Variants in SF3A3 observed in about 807,000 individuals in gnomAD.
SF3A3 encodes SAP 61.
SF3A3 carries 9 observed loss-of-function variants against 85.8 expected under a neutral mutation model. That is an observed-to-expected ratio of 0.10 (90% CI 0.06 to 0.18). SF3A3 has a LOEUF of 0.18. SF3A3 is among the 10% of genes least tolerant of loss of function. SF3A3 has a pLI of 1.00. For synonymous variants in SF3A3, 195 were observed against 204.4 expected (o/e 0.95, Z 0.39); for missense variants, 306 against 593.3 (o/e 0.52, Z 5.03).
intron 15 of SF3A3, among the ~76,000 whole-genome samples, chr1:37,965,609 C>T (rs1037127369): frequency 6.6e-6 from 1 of 151,788 alleles, no homozygotes; most frequent in African/African-American, 2.4e-5. Context: ...CAAAAATTAG[C>T]CAGGCATGGT....
chr1:37,964,853 C>T (rs2148715897), intron 15 of SF3A3, among the ~76,000 whole-genome samples: 1 of 152,206 alleles, frequency 6.6e-6, no homozygotes, highest in South Asian at 2.1e-4. Flanking sequence ...TTCTATTTTT[C>T]CCTTTATATC....
intron 6 of SF3A3, among the ~76,000 whole-genome samples, chr1:37,982,421 A>G (rs901197350): frequency 6.7e-6 from 1 of 149,376 alleles, no homozygotes; most frequent in African/African-American, 2.5e-5. Flanking sequence ...CCCAGGCTGG[A>G]GTGCAATGGC....
chr1:37,980,263 AAAAACAC>A (rs1407136931), intron 8 of SF3A3, among the ~76,000 whole-genome samples: 1 of 152,134 alleles, frequency 6.6e-6, no homozygotes, highest in African/African-American at 2.4e-5. Context: ...TGTCCCCACT[AAAAACAC>A]AAAATTAGCC....
At position 37,958,295 on chromosome 1, in the gene SF3A3, G is replaced by A. The variant is rs900316741; in HGVS notation, c.1429-32C>T. 9 of 1,480,524 alleles carry A rather than the reference G, an allele frequency of 6.1e-6. No homozygotes were observed. In the East Asian group the frequency reaches 2.0e-4, roughly 33 times the overall value. 91.7% of individuals were successfully genotyped at this position (1,480,524 alleles called of 1,614,324 possible). A position where few individuals can be genotyped will look rare whatever the true frequency, so the allele number is the denominator to read the frequency against. ...AGGAAGGGGTACACTTTGTTAGACAGCTCTCCTAAAAGAAATGTTTGGAAC... is the reference window on the plus strand; with the variant it reads ...AGGAAGGGGTACACTTTGTTAGACAACTCTCCTAAAAGAAATGTTTGGAAC... On this transcript the variant is annotated intron_variant, in intron 16 of 16. Coordinates refer to ENST00000373019, the MANE Select transcript of SF3A3 (RefSeq NM_006802.4).
chr1:37,964,626 T>G (rs771071862), intron 15 of SF3A3, among the ~76,000 whole-genome samples: 4 of 151,236 alleles, frequency 2.6e-5, no homozygotes, highest in African/African-American at 7.3e-5. Context: ...AAAAAGAAAT[T>G]AAATGAAATG....
At chr1:37,989,408 C>T (rs1646478825) in intron 2 of SF3A3, 140 bp downstream of exon 2, 1 of 760,254 alleles carries the variant, frequency 1.3e-6, no homozygotes, top group Non-Finnish European at 2.1e-6. Flanking sequence ...AGCCTGTGGA[C>T]ATCTGTCCAG....
chr1:37,986,209 A>G (rs1314805590), intron 4 of SF3A3, among the ~76,000 whole-genome samples: 4 of 151,952 alleles, frequency 2.6e-5, no homozygotes, highest in African/African-American at 9.7e-5. Context: ...CGGCCTCCCA[A>G]AGTGCTGGGA....
chr1:37,959,254 T>A (rs1267448425), intron 16 of SF3A3, among the ~76,000 whole-genome samples: 1 of 152,020 alleles, frequency 6.6e-6, no homozygotes, highest in African/African-American at 2.4e-5. Context: ...AATTATTGTA[T>A]TTTTTGTAGA....
intron 14 of SF3A3, 89 bp from the exon 15 acceptor site, chr1:37,968,223 TG>T (rs1646316003): frequency 1.3e-6 from 1 of 796,758 alleles, no homozygotes; most frequent in African/African-American, 1.7e-5. Flanking sequence ...AATCCTAACA[TG>T]GCCCTTTGCA....
At chr1:37,989,747 G>C in intron 1 of SF3A3, 123 bp downstream of exon 1, 5 of 1,210,846 alleles carry the variant, frequency 4.1e-6, no homozygotes, top group Non-Finnish European at 6.0e-6. Context: ...ACCAAGACCG[G>C]AGCTCGGAGA....
At position 37,957,530 on chromosome 1, in the gene SF3A3, G is replaced by GA. The variant is rs1646228758; in HGVS notation, c.*655dup. On this transcript the variant is annotated 3_prime_UTR_variant, in exon 17 of 17. Coordinates refer to ENST00000373019, the MANE Select transcript of SF3A3 (RefSeq NM_006802.4). The stretch of plus-strand genomic sequence containing the variant: ...ACCATGCCTTTTTTTTTTTTTTAAT[G>GA]AGACAGGGTCTCACTATGTTACCTA... 7.7e-6 allele frequency: 1 copy of GA among 129,258 alleles called. No homozygotes were observed. The highest frequency in any genetic ancestry group is 3.0e-5 in the African/African-American group (1 of 33,470). 8.0% of individuals were successfully genotyped at this position (129,258 alleles called of 1,614,324 possible). A position where few individuals can be genotyped will look rare whatever the true frequency, so the allele number is the denominator to read the frequency against.
chr1:37,978,307 C>T (rs1455154522), intron 11 of SF3A3, among the ~76,000 whole-genome samples: 1 of 150,490 alleles, frequency 6.6e-6, no homozygotes, highest in Non-Finnish European at 1.5e-5. Context: ...CCACTGCACT[C>T]CAGCTTGGGC....
At chr1:37,978,656 T>C in intron 11 of SF3A3, 64 bp downstream of exon 11, 1 of 1,087,920 alleles carries the variant, frequency 9.2e-7, no homozygotes, top group Admixed American at 2.4e-5. Context: ...CCACTGTGGT[T>C]AAAAATTCTG....
rs187530484 is a variant in SF3A3 at position 37,972,902 on chromosome 1, C to T, written c.1006-3167G>A. 1.0e-3 allele frequency among the ~76,000 whole-genome samples: 154 copies of T among 152,266 alleles called. 2 individuals carry two copies. Among genetic ancestry groups the T allele is most frequent in the South Asian group, 6.0e-3 (29 of 4,822 alleles). On this transcript the variant is annotated intron_variant, in intron 12 of 16. Transcript: ENST00000373019. ...ATGGATTAAAGACTTAAATGTGGGCCGGGTGCGGTGGCTCACGCCTGTAAT... is the reference window on the plus strand; with the variant it reads ...ATGGATTAAAGACTTAAATGTGGGCTGGGTGCGGTGGCTCACGCCTGTAAT...
intron 2 of SF3A3, among the ~76,000 whole-genome samples, chr1:37,988,362 T>C (rs941628895): frequency 3.3e-5 from 5 of 152,222 alleles, no homozygotes; most frequent in Admixed American, 1.3e-4. Flanking sequence ...GAATTTGGAA[T>C]GTTTAAGTTC....
intron 4 of SF3A3, among the ~76,000 whole-genome samples, chr1:37,985,949 CT>C (rs10673830): frequency 0.016 from 1,954 of 118,848 alleles, 42 homozygotes; most frequent in African/African-American, 0.058. Context: ...TCCTACCAGA[CT>C]TTTTTTTTTT....
Position 37,962,587 on chromosome 1 carries a change from G to C in SF3A3, c.1373-2412C>G, listed in dbSNP as rs1360035853. Among the ~76,000 whole-genome samples, 5 of 101,638 alleles carry C rather than the reference G, an allele frequency of 4.9e-5. No homozygotes were observed. The Admixed American group carries it at 7.3e-4, about 15-fold the overall frequency. 66.7% of individuals were successfully genotyped at this position (101,638 alleles called of 152,430 possible). ...TATTGCACTCCAGTCTGGGCAACAA[G>C]AGCGAAACTCCATCTCAAAAAAAAA... On this transcript the variant is annotated intron_variant, in intron 15 of 16. Transcript: ENST00000373019.
At chr1:37,958,355 T>G in intron 16 of SF3A3, 92 bp from the exon 17 acceptor site, 8 of 828,588 alleles carry the variant, frequency 9.7e-6, no homozygotes, top group East Asian at 2.5e-5. Flanking sequence ...CCTGGCCTGA[T>G]TCCATGGCAT....
intron 5 of SF3A3, 132 bp from the exon 6 acceptor site, chr1:37,984,392 T>C (rs1479014253): frequency 9.4e-6 from 6 of 636,224 alleles, no homozygotes; most frequent in East Asian, 8.2e-5. Flanking sequence ...TTGCTCACAA[T>C]ATAACCTCCA....
Sources: gnomAD v4.1 joint callset for allele counts (sites outside exome capture counted in the v4.1 genomes callset) on GRCh38, gnomAD v4.1.1 for gene constraint, MANE v1.5 for transcripts, NCBI Gene and HGNC (gene_info 2026-07-23, HGNC 2026-07-21) for gene names.